The following CRAT variants were observed in gnomAD, a reference collection of about 807,000 sequenced individuals.
The protein encoded by CRAT is carnitine O-acetyltransferase, also known as carnitine acetylase.
CRAT carries 66 observed loss-of-function variants against 73.7 expected under a neutral mutation model. That is an observed-to-expected ratio of 0.90 (90% CI 0.73 to 1.10). The LOEUF (loss-of-function observed/expected upper bound fraction) is 1.10. CRAT is among the 50% of genes least tolerant of loss of function. CRAT has a pLI of 0.00. For synonymous variants in CRAT, 321 were observed against 343.2 expected (o/e 0.94, Z 0.71); for missense variants, 745 against 846.9 (o/e 0.88, Z 1.49).
intron 5 of CRAT, 110 bp from the exon 6 acceptor site, chr9:129,102,167 A>C (rs1376980207): frequency 7.6e-7 from 1 of 1,317,106 alleles, no homozygotes. Context: ...GAGGGGATGG[A>C]GTCAGGCCAA....
chr9:129,102,489 G>A lies in CRAT; in HGVS notation c.541C>T (p.Arg181Ter), dbSNP rs567401147. Reference sequence around the variant, plus strand: ...GTGTCCTGCTTGGGGCCCGGCACTCGGCAGGAGGACAAGATCTGATAGTAC... The same window carrying A: ...GTGTCCTGCTTGGGGCCCGGCACTCAGCAGGAGGACAAGATCTGATAGTAC... The part of the protein sequence containing the change: ...NQYYQILSSC[R>*]VPGPKQDTVS... Residue 181 changes from arginine to a stop codon, truncating the protein, a stop_gained, in exon 5 of 14, where the codon CGA becomes TGA. Transcript: ENST00000318080. LOFTEE classifies it high-confidence loss of function. 9.3e-6 allele frequency: 15 copies of A among 1,614,136 alleles called. No individual in the cohort carries two copies. The highest frequency in any genetic ancestry group is 6.6e-5 in the South Asian group (6 of 91,088).
chr9:129,102,493 G>A lies in CRAT; in HGVS notation c.537C>T (p.Ser179=). ...CMNQYYQILS[S]CRVPGPKQDT... The stretch of plus-strand genomic sequence containing the variant: ...CCTGCTTGGGGCCCGGCACTCGGCA[G>A]GAGGACAAGATCTGATAGTACTGGT... The change falls in exon 5 of 14, where the codon TCC becomes TCT. Residue 179 remains serine, a synonymous_variant. Coordinates refer to ENST00000318080, the MANE Select transcript of CRAT (RefSeq NM_000755.5). The A allele has an allele frequency of 1.2e-6, 2 of 1,614,156 alleles. 1 individual carries two copies.
Position 129,103,926 on chromosome 9 carries a change from G to T in CRAT, c.410+262C>A, listed in dbSNP as rs1847837567. On this transcript the variant is annotated intron_variant, in intron 3 of 13. Transcript: ENST00000318080. This position sits in a 1 kb window ranked among gnomAD's most constrained non-coding sequence, Gnocchi z 4.6. Reference sequence around the variant, plus strand: ...AAGCCTCAGGTATGGAGGAGGATGGGGCCTCTGCGAAGATGTGGTGGTTAA... The same window carrying T: ...AAGCCTCAGGTATGGAGGAGGATGGTGCCTCTGCGAAGATGTGGTGGTTAA... 6.6e-6 allele frequency among the ~76,000 whole-genome samples: 1 copy of T among 152,134 alleles called. No individual in the cohort carries two copies. Among genetic ancestry groups the T allele is most frequent in the Non-Finnish European group, 1.5e-5 (1 of 68,018 alleles).
chr9:129,108,550 T>A, intron 1 of CRAT: 1 of 1,127,200 alleles, frequency 8.9e-7, no homozygotes, highest in Non-Finnish European at 1.1e-6. Flanking sequence ...CACCTTCGGG[T>A]GAGGGGCCTT....
At chr9:129,108,163 G>C in intron 1 of CRAT, 86 bp from the exon 2 acceptor site, 1 of 1,453,674 alleles carries the variant, frequency 6.9e-7, no homozygotes, top group Non-Finnish European at 9.0e-7. Context: ...GCACTTAAGT[G>C]CCCATCCCTG....
chr9:129,102,330 C>T (rs1847725882), intron 5 of CRAT, 70 bp downstream of exon 5: 8 of 1,592,582 alleles, frequency 5.0e-6, no homozygotes, highest in South Asian at 1.1e-5. Context: ...GTGGGGAAGC[C>T]GACTGCGGCC....
intron 1 of CRAT, chr9:129,108,480 T>C: frequency 8.6e-7 from 1 of 1,163,736 alleles, no homozygotes; most frequent in Non-Finnish European, 1.1e-6. Flanking sequence ...TCTCCCACCC[T>C]TTCCAGGTTG....
chr9:129,108,458 C>T (rs1299023989), intron 1 of CRAT: 4 of 1,171,162 alleles, frequency 3.4e-6, no homozygotes, highest in African/African-American at 3.2e-5. Context: ...CTTGGAGGTC[C>T]CCACGTCCTT....
In CRAT at chr9:129,108,097, C is replaced by T; in HGVS notation, c.28-20G>A. The T allele has an allele frequency of 6.7e-7, 1 of 1,502,358 alleles. No individual in the cohort carries two copies. Among genetic ancestry groups the T allele is most frequent in the African/African-American group, 1.4e-5 (1 of 71,904 alleles). 93.1% of individuals were successfully genotyped at this position (1,502,358 alleles called of 1,614,324 possible). A position where few individuals can be genotyped will look rare whatever the true frequency, so the allele number is the denominator to read the frequency against. On this transcript the variant is annotated intron_variant, in intron 1 of 13. Transcript: ENST00000318080. ...CTTCACCTGCAGGTAGCAGAACATC[C>T]TGTTCATTCCCTCCCCGGCTCTGGA...
chr9:129,099,855 A>C lies in CRAT; in HGVS notation c.1085+11T>G. On this transcript the variant is annotated intron_variant, in intron 8 of 13. Coordinates refer to ENST00000318080, the MANE Select transcript of CRAT (RefSeq NM_000755.5). ...GCTGGGGAACTAGGCGAGAGATGTG[A>C]CTGTACTCACGTGTACTCGATGACA... is the stretch of plus-strand genomic sequence containing the variant. 2.5e-6 allele frequency: 4 copies of C among 1,601,188 alleles called. No individual in the cohort carries two copies. Among genetic ancestry groups the C allele is most frequent in the Non-Finnish European group, 3.4e-6 (4 of 1,169,712 alleles).
chr9:129,107,343 A>T lies in CRAT; in HGVS notation c.291+471T>A. 2.2e-6 allele frequency: 1 copy of T among 445,782 alleles called. No individual in the cohort carries two copies. Among genetic ancestry groups the T allele is most frequent in the South Asian group, 3.0e-5 (1 of 33,402 alleles). 27.6% of individuals were successfully genotyped at this position (445,782 alleles called of 1,614,324 possible). On this transcript the variant is annotated intron_variant, in intron 2 of 13. Coordinates refer to ENST00000318080, the MANE Select transcript of CRAT (RefSeq NM_000755.5). The surrounding 1 kb of genome is among the most constrained non-coding windows in gnomAD (Gnocchi z 5.0). Reference sequence around the variant, plus strand: ...CACTGCATCCAGCTGCCACTTTTTAAATCTGTGTATTGAAGTATGAGATGC... The same window carrying T: ...CACTGCATCCAGCTGCCACTTTTTATATCTGTGTATTGAAGTATGAGATGC...
intron 6 of CRAT, 128 bp downstream of exon 6, chr9:129,101,754 TC>T (rs1847684911): frequency 8.3e-7 from 1 of 1,211,778 alleles, no homozygotes; most frequent in Non-Finnish European, 1.1e-6. Flanking sequence ...CTTCATGAAC[TC>T]TTAACCTGTC....
chr9:129,104,204 G>C lies in CRAT; in HGVS notation c.394C>G (p.Leu132Val). 1.9e-6 allele frequency: 3 copies of C among 1,609,846 alleles called. No homozygotes were observed. Among genetic ancestry groups the C allele is most frequent in the Non-Finnish European group, 2.5e-6 (3 of 1,178,368 alleles). The stretch of plus-strand genomic sequence containing the variant: ...GCCACTCACCGGAGCTGACCCTGCA[G>C]GTCCACGAAGTCCTGCTTGGGTAGC... ...VMLPKQDFVD[L>V]QGQLRFAAKL... is the part of the protein sequence containing the mutation. The change falls in exon 3 of 14, where the codon CTG becomes GTG. Residue 132 changes from leucine (L) to valine (V), a missense_variant. By Grantham distance (32) the Leu-to-Val change is conservative. Coordinates refer to ENST00000318080, the MANE Select transcript of CRAT (RefSeq NM_000755.5).
chr9:129,101,825 G>A, intron 6 of CRAT, 58 bp downstream of exon 6: 1 of 1,560,980 alleles, frequency 6.4e-7, no homozygotes, highest in South Asian at 1.2e-5. Context: ...GTTGAGGCTG[G>A]TCCCCAACAG....
In CRAT at chr9:129,104,375, G is replaced by C. The variant is rs1312941594; in HGVS notation, c.292-69C>G. 4.6e-6 allele frequency: 6 copies of C among 1,308,622 alleles called. No individual in the cohort carries two copies. In the East Asian group the frequency reaches 1.4e-4, roughly 31 times the overall value. 81.1% of individuals were successfully genotyped at this position (1,308,622 alleles called of 1,614,324 possible). A position where few individuals can be genotyped will look rare whatever the true frequency, so the allele number is the denominator to read the frequency against. On this transcript the variant is annotated intron_variant, in intron 2 of 13. Transcript: ENST00000318080. Reference sequence around the variant, plus strand: ...TGGTGCCCCCTGTTCCCCAGGGCTAGGGGACCTGGCTGGCCCCCATGCCCT... The same window carrying C: ...TGGTGCCCCCTGTTCCCCAGGGCTACGGGACCTGGCTGGCCCCCATGCCCT...
At chr9:129,104,608 CTTT>C (rs11314279) in intron 2 of CRAT, among the ~76,000 whole-genome samples, 23 of 144,212 alleles carry the variant, frequency 1.6e-4, no homozygotes, top group Non-Finnish European at 1.7e-4. Flanking sequence ...TGAACGAATT[CTTT>C]TTTTTTTTTT....
chr9:129,106,506 C>T lies in CRAT; in HGVS notation c.291+1308G>A, dbSNP rs17486199. Among the ~76,000 whole-genome samples, 5,912 of 152,204 alleles carry T rather than the reference C, an allele frequency of 0.039. 385 individuals carry two copies. Among genetic ancestry groups the T allele is most frequent in the African/African-American group, 0.14 (5,634 of 41,506 alleles). ...GGTGGCGGAGACCCTTCGGTGGCCC[C>T]GTGAGTGGAAGGAGGGGTGCCCCCA... On this transcript the variant is annotated intron_variant, in intron 2 of 13. Coordinates refer to ENST00000318080, the MANE Select transcript of CRAT (RefSeq NM_000755.5). This position sits in a 1 kb window ranked among gnomAD's most constrained non-coding sequence, Gnocchi z 4.0.
intron 1 of CRAT, chr9:129,108,324 A>G: frequency 8.4e-7 from 1 of 1,191,798 alleles, no homozygotes. Flanking sequence ...AGGGGAACCA[A>G]GTCAGGATGA....
intron 2 of CRAT, among the ~76,000 whole-genome samples, chr9:129,105,207 G>A (rs1847944438): frequency 6.6e-6 from 1 of 151,422 alleles, no homozygotes; most frequent in Non-Finnish European, 1.5e-5. Flanking sequence ...GCCCGGCAAG[G>A]TGAACAAATT....
Sources: allele counts gnomAD v4.1 joint callset (sites outside exome capture counted in the v4.1 genomes callset), GRCh38; gene constraint gnomAD v4.1.1; non-coding constraint Gnocchi (gnomAD v3.1); transcripts MANE v1.5; gene names NCBI Gene and HGNC (gene_info 2026-07-23, HGNC 2026-07-21).